Variants in PI4KA observed in about 807,000 individuals in gnomAD.
The protein encoded by PI4KA is phosphatidylinositol 4-kinase alpha, also known as PI4-kinase alpha.
PI4KA carries 122 observed loss-of-function variants against 271.4 expected under a neutral mutation model. The observed-to-expected ratio is 0.45, with a 90% CI of 0.39 to 0.52. PI4KA has a LOEUF of 0.52. PI4KA is among the 20% of genes least tolerant of loss of function. The probability of loss-of-function intolerance (pLI) is 0.00; values close to 1 mark genes in which losing one functional copy is unlikely to be tolerated. For synonymous variants in PI4KA, 1,041 were observed against 1,078.8 expected, an observed-to-expected ratio of 0.96 and a Z score of 0.69; for missense variants, 1,969 against 2,769.1, an observed-to-expected ratio of 0.71 and a Z score of 6.48.
At chr22:20,733,619 A>T in intron 35 of PI4KA, 117 bp downstream of exon 35, 2 of 1,543,022 alleles carry the variant, frequency 1.3e-6, no homozygotes, top group Non-Finnish European at 1.8e-6. Context: ...GAGGTTGGTG[A>T]GCACAACTGG....
chr22:20,807,262 C>A (rs1935712302), intron 10 of PI4KA, 100 bp downstream of exon 10: 1 of 723,036 alleles, frequency 1.4e-6, no homozygotes, highest in Admixed American at 2.6e-5. Context: ...TTCAGTGGCC[C>A]CAGCAGAAAG....
At chr22:20,799,634 AAT>A in intron 15 of PI4KA, 35 bp downstream of exon 15, 6 of 1,440,048 alleles carry the variant, frequency 4.2e-6, no homozygotes, top group Non-Finnish European at 5.7e-6. Context: ...TGCTGAGAAC[AAT>A]GGGCTGCCTC....
At chr22:20,722,292 T>C (rs1310314100) in intron 42 of PI4KA, among the ~76,000 whole-genome samples, 2 of 152,086 alleles carry the variant, frequency 1.3e-5, no homozygotes, top group Admixed American at 6.6e-5. Context: ...GTTCAAGCAA[T>C]TCTCTTGCCT....
chr22:20,733,947 G>A (rs1471111437), intron 34 of PI4KA, 96 bp downstream of exon 34: 17 of 1,527,524 alleles, frequency 1.1e-5, no homozygotes, highest in Non-Finnish European at 1.5e-5. Flanking sequence ...TCACTGAAAT[G>A]TGTTCCCCGT....
At chr22:20,814,805 A>C (rs1199850381) in intron 7 of PI4KA, among the ~76,000 whole-genome samples, 1 of 152,046 alleles carries the variant, frequency 6.6e-6, no homozygotes, top group African/African-American at 2.4e-5. Flanking sequence ...CACAATAAAA[A>C]AAAAAGAAGG....
chr22:20,789,093 A>G (rs1934463624), intron 19 of PI4KA, among the ~76,000 whole-genome samples: 1 of 152,036 alleles, frequency 6.6e-6, no homozygotes, highest in South Asian at 2.1e-4. Context: ...TACAGAAACT[A>G]GCCCATCTGT....
chr22:20,846,493 C>G lies in PI4KA; in HGVS notation c.157-7762G>C, dbSNP rs192300351. Among the ~76,000 whole-genome samples, 597 of 152,014 alleles carry G rather than the reference C, an allele frequency of 3.9e-3. 3 individuals carry two copies. The highest frequency in any genetic ancestry group is 0.014 in the African/African-American group (573 of 41,422). ...GCTGAATGATGAGAACACAGGAACA[C>G]ACAGTGGGGGGAACAACGCACGCTG... On this transcript the variant is annotated intron_variant, in intron 1 of 54. Coordinates refer to ENST00000255882, the MANE Select transcript of PI4KA (RefSeq NM_058004.4).
intron 39 of PI4KA, among the ~76,000 whole-genome samples, chr22:20,728,209 T>C (rs1368123890): frequency 6.6e-6 from 1 of 152,102 alleles, no homozygotes; most frequent in Non-Finnish European, 1.5e-5. Context: ...AAACATCTCA[T>C]GCACCTCATA....
chr22:20,829,966 A>AT (rs1174975110), intron 3 of PI4KA, among the ~76,000 whole-genome samples: 1 of 151,836 alleles, frequency 6.6e-6, no homozygotes, highest in African/African-American at 2.4e-5. Context: ...GCTTTCAGTG[A>AT]TTTTCTTAGT....
intron 19 of PI4KA, among the ~76,000 whole-genome samples, chr22:20,783,224 T>C (rs1933933915): frequency 1.3e-5 from 2 of 152,142 alleles, no homozygotes; most frequent in East Asian, 3.8e-4. Flanking sequence ...TCTACAGTGG[T>C]GATCCTAAGG....
chr22:20,792,730 C>T (rs996964251), intron 19 of PI4KA, among the ~76,000 whole-genome samples: 6 of 152,172 alleles, frequency 3.9e-5, no homozygotes, highest in Non-Finnish European at 8.8e-5. Context: ...AGGGACTGTG[C>T]CCGCCATGCC....
rs763711045 is a variant in PI4KA at position 20,838,617 on chromosome 22, G to A, written c.271C>T (p.Gln91Ter). Residue 91 changes from glutamine (Q) to a stop codon, truncating the protein, a stop_gained and splice_region_variant, in exon 2 of 55, where the codon CAG (glutamine) becomes TAG (stop). Transcript: ENST00000255882. LOFTEE classifies it high-confidence loss of function. ...CTTTTAATTTCATGAAGACTTACCT[G>A]AAGATCAGATTCAATCAGAAAAATG... is the stretch of plus-strand genomic sequence containing the variant. Reference protein sequence around the residue: ...LGIFLIESDLQHKDCVVPYLL... With the variant: ...LGIFLIESDL The A allele has an allele frequency of 1.9e-6, 3 of 1,568,062 alleles. No individual in the cohort carries two copies. The highest frequency in any genetic ancestry group is 2.6e-6 in the Non-Finnish European group (3 of 1,138,346).
chr22:20,765,571 G>C lies in PI4KA; in HGVS notation c.2437+14C>G. On this transcript the variant is annotated intron_variant, in intron 20 of 54. Transcript: ENST00000255882. ...TGCACTCCGTCTTCACTGGGAGAGA[G>C]ATGATCCCCCTACCTGAGCCCTCCA... The C allele has an allele frequency of 1.3e-6, 2 of 1,531,782 alleles. No individual in the cohort carries two copies. The highest frequency in any genetic ancestry group is 1.8e-6 in the Non-Finnish European group (2 of 1,106,250). 94.9% of individuals were successfully genotyped at this position (1,531,782 alleles called of 1,614,324 possible).
chr22:20,720,616 TGA>T (rs762237910), intron 43 of PI4KA, among the ~76,000 whole-genome samples: 32 of 152,218 alleles, frequency 2.1e-4, no homozygotes, highest in Non-Finnish European at 2.9e-4. Context: ...CACAATGACC[TGA>T]GAGACTACTA....
At chr22:20,833,821 G>A (rs1368556614) in intron 3 of PI4KA, among the ~76,000 whole-genome samples, 2 of 151,882 alleles carry the variant, frequency 1.3e-5, no homozygotes, top group South Asian at 2.1e-4. Flanking sequence ...CACCATGCCC[G>A]GCTAATTTTT....
chr22:20,766,639 T>C (rs1224853749), intron 19 of PI4KA, among the ~76,000 whole-genome samples: 1 of 152,214 alleles, frequency 6.6e-6, no homozygotes, highest in East Asian at 1.9e-4. Flanking sequence ...CACTCCAGCC[T>C]GGGCAACAAG....
intron 9 of PI4KA, among the ~76,000 whole-genome samples, chr22:20,808,496 G>GACA (rs1207981461): frequency 9.7e-6 from 1 of 102,716 alleles, no homozygotes; most frequent in Admixed American, 1.1e-4. Context: ...AGGAGGCTGA[G>GACA]GCAGAATTGC....
In PI4KA at chr22:20,727,686, T is replaced by C. The variant is rs535166268; in HGVS notation, c.4773+88A>G. 1.1e-4 allele frequency: 112 copies of C among 1,034,542 alleles called. No individual in the cohort carries two copies. In the African/African-American group the frequency reaches 1.6e-3, roughly 15 times the overall value. The allele number at this position is 1,034,542 out of a possible 1,614,324, so 64.1% of individuals were successfully genotyped here. ...ACTGAAGTTGCCAAGCGGCTGTTTT[T>C]GTCTCATTTCTAGTTTCAGGCATTT... On this transcript the variant is annotated intron_variant, in intron 40 of 54. Coordinates refer to ENST00000255882, the MANE Select transcript of PI4KA (RefSeq NM_058004.4).
chr22:20,727,389 G>A lies in PI4KA; in HGVS notation c.4782C>T (p.Val1594=). 2 of 1,603,268 alleles carry A rather than the reference G, an allele frequency of 1.2e-6. No homozygotes were observed. The highest frequency in any genetic ancestry group is 1.7e-6 in the Non-Finnish European group (2 of 1,174,972). Residue 1594 remains valine (V), a synonymous_variant, in exon 41 of 55, where the codon GTC becomes GTT. Coordinates refer to ENST00000255882, the MANE Select transcript of PI4KA (RefSeq NM_058004.4). ...CATCGGCGTCGATGGTGTGCCAGGT[G>A]ACCAGGAACTGCAGAGAAGGTGGGG... The part of the protein sequence containing the change: ...SDVPEAIKFL[V]TWHTIDADAP...
Sources: gnomAD v4.1 joint callset for allele counts (sites outside exome capture counted in the v4.1 genomes callset) on GRCh38, gnomAD v4.1.1 for gene constraint, MANE v1.5 for transcripts, NCBI Gene and HGNC (gene_info 2026-07-23, HGNC 2026-07-21) for gene names.